Variants in PDK1 observed in about 807,000 individuals in gnomAD.
PDK1 encodes pyruvate dehydrogenase kinase 1.
Under a neutral mutation model 54.2 loss-of-function variants are expected in PDK1, and 39 were observed. The ratio of observed to expected loss-of-function variants is 0.72; its 90% CI spans 0.56 to 0.94. PDK1 has a LOEUF of 0.94. PDK1 is among the 40% of genes least tolerant of loss of function. PDK1 has a pLI of 0.00. For missense variants in PDK1, 552 were observed against 566.0 expected, an observed-to-expected ratio of 0.98 and a Z score of 0.25; for synonymous variants, 221 against 207.1, an observed-to-expected ratio of 1.07 and a Z score of -0.58.
the PDK1 span, among the ~76,000 whole-genome samples, chr2:172,721,704 AG>A: frequency 6.6e-6 from 1 of 152,344 alleles, no homozygotes; most frequent in African/African-American, 2.4e-5. Context: ...AATGCATGGA[AG>A]GGTTAATAAT....
intron 10 of PDK1, 87 bp from the exon 11 acceptor site, chr2:172,595,742 C>G (rs1302815915): frequency 9.5e-7 from 1 of 1,052,416 alleles, no homozygotes. Flanking sequence ...TTTAATTTGT[C>G]GTAACCTTTT....
chr2:172,576,382 C>CT (rs34178124), intron 8 of PDK1, among the ~76,000 whole-genome samples: 93,547 of 150,582 alleles, frequency 0.62, 30,037 homozygotes, highest in East Asian at 0.85. Context: ...TTTGAGTCTT[C>CT]TTTTTTTTTC....
the PDK1 span, among the ~76,000 whole-genome samples, chr2:172,718,222 G>T: frequency 8.5e-5 from 13 of 152,156 alleles, no homozygotes; most frequent in Non-Finnish European, 1.5e-4. Flanking sequence ...TAGGTAACAG[G>T]TTAGTTTGAG....
chr2:172,706,239 G>T, the PDK1 span, among the ~76,000 whole-genome samples: 3 of 151,430 alleles, frequency 2.0e-5, no homozygotes, highest in Admixed American at 1.3e-4. Flanking sequence ...TTGATACAAG[G>T]CTACAGTGTA....
intron 8 of PDK1, among the ~76,000 whole-genome samples, chr2:172,584,850 T>G (rs1690126832): frequency 6.8e-6 from 1 of 146,490 alleles, no homozygotes; most frequent in Admixed American, 6.9e-5. Context: ...TTTTTTTTTT[T>G]GTACAAACGG....
chr2:172,565,074 GT>G lies in PDK1; in HGVS notation c.691+2del. The stretch of plus-strand genomic sequence containing the variant: ...TGCAATGTACTTGAAGTTATTAAAG[GT>G]AAATACTGACATTTCTCCTTGCAAA... On this transcript the variant is annotated splice_donor_variant, in intron 5 of 10. Coordinates refer to ENST00000282077, the MANE Select transcript of PDK1 (RefSeq NM_002610.5). LOFTEE classifies it high-confidence loss of function. The G allele has an allele frequency of 6.6e-7, 1 of 1,525,144 alleles. No individual in the cohort carries two copies. Among genetic ancestry groups the G allele is most frequent in the Non-Finnish European group, 9.1e-7 (1 of 1,101,784 alleles). 94.5% of individuals were successfully genotyped at this position (1,525,144 alleles called of 1,614,324 possible).
chr2:172,622,782 CAT>C, the PDK1 span, among the ~76,000 whole-genome samples: 295 of 144,606 alleles, frequency 2.0e-3, 1 homozygote, highest in Non-Finnish European at 3.4e-3. Flanking sequence ...GTTTATATCT[CAT>C]ATGTGAGATA....
At chr2:172,691,733 C>T in the PDK1 span, among the ~76,000 whole-genome samples, 1 of 152,244 alleles carries the variant, frequency 6.6e-6, no homozygotes, top group Non-Finnish European at 1.5e-5. Flanking sequence ...CATGTCCGCT[C>T]ATGGCTTGAT....
At chr2:172,636,009 C>T in the PDK1 span, among the ~76,000 whole-genome samples, 64 of 152,342 alleles carry the variant, frequency 4.2e-4, no homozygotes, top group African/African-American at 1.4e-3. Context: ...CTGATGTTTC[C>T]CTTGCGGCCC....
intron 2 of PDK1, among the ~76,000 whole-genome samples, chr2:172,559,517 TTC>T (rs886654499): frequency 2.6e-5 from 4 of 152,154 alleles, no homozygotes; most frequent in Non-Finnish European, 5.9e-5. Context: ...GTGGGTATGA[TTC>T]TCTCCATTTT....
At chr2:172,673,398 A>G in the PDK1 span, among the ~76,000 whole-genome samples, 2 of 152,160 alleles carry the variant, frequency 1.3e-5, no homozygotes, top group African/African-American at 4.8e-5. Flanking sequence ...CTTGAGCCCA[A>G]TCGCCCAACT....
At chr2:172,621,405 C>T in the PDK1 span, among the ~76,000 whole-genome samples, 5 of 152,108 alleles carry the variant, frequency 3.3e-5, no homozygotes, top group South Asian at 8.3e-4. Context: ...GCTTCCTGCC[C>T]TTGAACATCG....
chr2:172,559,764 G>T (rs958208575), intron 2 of PDK1, among the ~76,000 whole-genome samples: 1 of 152,100 alleles, frequency 6.6e-6, no homozygotes, highest in Admixed American at 6.5e-5. Context: ...GGCCAGGCTG[G>T]TCTCAAGCTC....
At chr2:172,649,086 A>G in the PDK1 span, among the ~76,000 whole-genome samples, 1 of 152,376 alleles carries the variant, frequency 6.6e-6, no homozygotes, top group Admixed American at 6.5e-5. Flanking sequence ...ACCTCCCAGT[A>G]GGGGCTGACT....
At chr2:172,686,912 A>T in the PDK1 span, among the ~76,000 whole-genome samples, 2 of 152,250 alleles carry the variant, frequency 1.3e-5, no homozygotes, top group African/African-American at 4.8e-5. Context: ...AAATGAACTT[A>T]ATCACATACC....
At chr2:172,713,095 A>G in the PDK1 span, among the ~76,000 whole-genome samples, 24 of 152,228 alleles carry the variant, frequency 1.6e-4, no homozygotes, top group Admixed American at 9.2e-4. Flanking sequence ...GACCTGGAGT[A>G]CCTGGAGTGG....
At chr2:172,651,204 C>A in the PDK1 span, among the ~76,000 whole-genome samples, 1 of 152,150 alleles carries the variant, frequency 6.6e-6, no homozygotes, top group Non-Finnish European at 1.5e-5. Flanking sequence ...GGAAACTGAA[C>A]AACCTGCTCC....
chr2:172,713,730 A>G, the PDK1 span, among the ~76,000 whole-genome samples: 2 of 152,194 alleles, frequency 1.3e-5, no homozygotes, highest in African/African-American at 4.8e-5. Context: ...AAGCACAGGG[A>G]TGCCCAGGTC....
intron 8 of PDK1, among the ~76,000 whole-genome samples, chr2:172,578,233 C>G (rs1465713253): frequency 2.0e-5 from 3 of 152,170 alleles, no homozygotes; most frequent in Admixed American, 6.5e-5. Context: ...TGAGTCATTT[C>G]TCTGTTTCTC....
Sources: allele counts gnomAD v4.1 joint callset (sites outside exome capture counted in the v4.1 genomes callset), GRCh38; gene constraint gnomAD v4.1.1; transcripts MANE v1.5; gene names NCBI Gene and HGNC (gene_info 2026-07-23, HGNC 2026-07-21).